The following TTC1 variants were observed in gnomAD, a reference collection of about 807,000 sequenced individuals.
TTC1 encodes the protein tetratricopeptide repeat protein 1.
A neutral mutation model predicts 37.6 loss-of-function variants in TTC1; 31 were observed. The ratio of observed to expected loss-of-function variants is 0.82; its 90% confidence interval spans 0.62 to 1.11. TTC1 has a LOEUF of 1.11. Ranked by LOEUF, TTC1 falls within the 50% of genes most tolerant of loss-of-function variation. TTC1 has a pLI of 0.00. For missense variants in TTC1, 351 were observed against 339.0 expected (o/e 1.04, Z -0.28); for synonymous variants, 127 against 122.4 (o/e 1.04, Z -0.25).
At chr5:160,013,640 G>A (rs1756541155) in intron 2 of TTC1, among the ~76,000 whole-genome samples, 1 of 151,854 alleles carries the variant, frequency 6.6e-6, no homozygotes, top group Non-Finnish European at 1.5e-5. Context: ...CTACTTGGGA[G>A]GCTGCGGCAG....
At chr5:160,041,116 C>T (rs373390638) in intron 4 of TTC1, among the ~76,000 whole-genome samples, 110 of 152,164 alleles carry the variant, frequency 7.2e-4, no homozygotes, top group African/African-American at 2.5e-3. Flanking sequence ...CTGTCATCTC[C>T]ATCTCCTATG....
intron 5 of TTC1, among the ~76,000 whole-genome samples, chr5:160,044,211 C>A (rs1031537717): frequency 7.9e-5 from 12 of 152,170 alleles, no homozygotes; most frequent in African/African-American, 2.9e-4. Context: ...GATCCCCTGT[C>A]ACGCTAAGCA....
intron 7 of TTC1, among the ~76,000 whole-genome samples, chr5:160,056,518 G>T (rs1029302611): frequency 6.6e-6 from 1 of 152,134 alleles, no homozygotes; most frequent in Non-Finnish European, 1.5e-5. Flanking sequence ...CAGTTGAAGA[G>T]TTCAAGACCA....
intron 2 of TTC1, among the ~76,000 whole-genome samples, chr5:160,033,738 C>A (rs988944546): frequency 6.6e-6 from 1 of 152,152 alleles, no homozygotes; most frequent in East Asian, 1.9e-4. Context: ...ATGGGGGAAC[C>A]GTCCCCATGA....
chr5:160,064,996 G>A lies in TTC1; in HGVS notation c.810G>A (p.Gln270=), dbSNP rs776425696. The change falls in exon 8 of 8, where the codon CAG becomes CAA. Residue 270 remains glutamine, a synonymous_variant. Coordinates refer to ENST00000231238, the MANE Select transcript of TTC1 (RefSeq NM_003314.3). ...TTGGGCTCTCCACGGAAAATTTCCA[G>A]ATCAAACAGGATTCCTCTACCGGCT... ...RPFGLSTENF[Q]IKQDSSTGSY... The A allele has an allele frequency of 1.2e-6, 2 of 1,614,094 alleles. No homozygotes were observed. The highest frequency in any genetic ancestry group is 1.7e-6 in the Non-Finnish European group (2 of 1,180,020).
chr5:160,035,027 C>A, intron 2 of TTC1, 113 bp from the exon 3 acceptor site: 1 of 848,204 alleles, frequency 1.2e-6, no homozygotes, highest in Non-Finnish European at 1.7e-6. Flanking sequence ...TGATGCAGTT[C>A]TCAAAAGTCA....
In TTC1 at chr5:160,010,670, G is replaced by A. The variant is rs754164804; in HGVS notation, c.142G>A (p.Asp48Asn). ...GCATTCCCAGAGTAAGCTGCTCAGGGATGATGAGGCCCATCTCCAGGAGGA... is the reference window on the plus strand; with the variant it reads ...GCATTCCCAGAGTAAGCTGCTCAGGAATGATGAGGCCCATCTCCAGGAGGA... ...NQHSQSKLLR[D>N]DEAHLQEDQG... Residue 48 changes from aspartate (D) to asparagine (N), a missense_variant, in exon 2 of 8, where the codon GAT becomes AAT. Coordinates refer to ENST00000231238, the MANE Select transcript of TTC1 (RefSeq NM_003314.3). 13 of 1,613,680 alleles carry A rather than the reference G, an allele frequency of 8.1e-6. No individual in the cohort carries two copies. The highest frequency in any genetic ancestry group is 1.1e-5 in the Non-Finnish European group (13 of 1,179,860).
intron 1 of TTC1, 85 bp downstream of exon 1, chr5:160,009,278 C>G (rs1240525533): frequency 6.6e-6 from 1 of 152,300 alleles, no homozygotes; most frequent in South Asian, 2.1e-4. Flanking sequence ...GGCATCACTT[C>G]CCTAACTGTA....
chr5:160,018,212 C>G (rs1756640481), intron 2 of TTC1, among the ~76,000 whole-genome samples: 1 of 152,196 alleles, frequency 6.6e-6, no homozygotes, highest in African/African-American at 2.4e-5. Context: ...AGAACAAGCC[C>G]CTTACCAGAC....
At chr5:160,029,848 T>C (rs573135953) in intron 2 of TTC1, among the ~76,000 whole-genome samples, 41 of 152,266 alleles carry the variant, frequency 2.7e-4, no homozygotes, top group African/African-American at 8.7e-4. Context: ...CTAGGGAGGC[T>C]TGAACTGGAA....
rs1053770505 is a variant in TTC1, at chr5:160,033,330, A to G, written c.331-1810A>G. 7.2e-5 allele frequency among the ~76,000 whole-genome samples: 11 copies of G among 152,286 alleles called. No individual in the cohort carries two copies. In the South Asian group the frequency reaches 2.3e-3, roughly 32 times the overall value. On this transcript the variant is annotated intron_variant, in intron 2 of 7. Transcript: ENST00000231238. ...TTTGTACCTGCTGTGTGTCTGGCAC[A>G]TAGTATGTACCATAAAAATTAGATT... is the stretch of plus-strand genomic sequence containing the variant.
intron 3 of TTC1, 38 bp downstream of exon 3, chr5:160,035,238 G>A: frequency 6.5e-7 from 1 of 1,534,870 alleles, no homozygotes; most frequent in Non-Finnish European, 8.8e-7. Flanking sequence ...TGGTCATCTT[G>A]ACTCCTCATC....
At chr5:160,019,067 T>C (rs1304631428) in intron 2 of TTC1, among the ~76,000 whole-genome samples, 1 of 152,212 alleles carries the variant, frequency 6.6e-6, no homozygotes, top group Non-Finnish European at 1.5e-5. Context: ...CAAACAAACA[T>C]TTTTTATTTG....
intron 7 of TTC1, among the ~76,000 whole-genome samples, chr5:160,052,571 A>T (rs1757432341): frequency 1.3e-5 from 2 of 148,896 alleles, no homozygotes; most frequent in Non-Finnish European, 3.0e-5. Context: ...AAAAAAAAAA[A>T]AAACTGTTTG....
At chr5:160,035,078 C>A in intron 2 of TTC1, 62 bp from the exon 3 acceptor site, 1 of 1,427,886 alleles carries the variant, frequency 7.0e-7, no homozygotes, top group Non-Finnish European at 9.4e-7. Context: ...AAGGAAAGCT[C>A]ACCTTTTTGT....
At chr5:160,054,504 A>T (rs984632793) in intron 7 of TTC1, among the ~76,000 whole-genome samples, 7 of 152,138 alleles carry the variant, frequency 4.6e-5, no homozygotes, top group Admixed American at 2.6e-4. Flanking sequence ...GGTCCCAGCT[A>T]CTTGGGAGGC....
Position 160,052,572 on chromosome 5 carries a change from A to C in TTC1, c.745+1389A>C, listed in dbSNP as rs866553699. Among the ~76,000 whole-genome samples the C allele has an allele frequency of 5.2e-3, 775 of 149,070 alleles. 15 individuals are homozygous for C. The highest frequency in any genetic ancestry group is 0.018 in the African/African-American group (741 of 40,390). ...GCAAAAAAAAAAAAAAAAAAAAAAA[A>C]AACTGTTTGCATTTAGTATTTGAAT... On this transcript the variant is annotated intron_variant, in intron 7 of 7. Coordinates refer to ENST00000231238, the MANE Select transcript of TTC1 (RefSeq NM_003314.3).
In TTC1 at chr5:160,049,488, A is replaced by G. The variant is rs114137822; in HGVS notation, c.542-26A>G. The G allele has an allele frequency of 8.2e-4, 1,271 of 1,544,512 alleles. 11 individuals are homozygous for G. In the African/African-American group the frequency reaches 0.016, roughly 20 times the overall value. ...TATGTAGGCCATTTTTCTTTGTGATAAAAATTATTTCTTCTCTTTTTACAG... is the reference window on the plus strand; with the variant it reads ...TATGTAGGCCATTTTTCTTTGTGATGAAAATTATTTCTTCTCTTTTTACAG... On this transcript the variant is annotated intron_variant, in intron 5 of 7. Transcript: ENST00000231238.
chr5:160,042,081 C>G (rs925924481), intron 4 of TTC1, among the ~76,000 whole-genome samples: 1 of 152,134 alleles, frequency 6.6e-6, no homozygotes, highest in Non-Finnish European at 1.5e-5. Context: ...AGGCACCCAC[C>G]ACCACACCCG....
Sources: allele counts gnomAD v4.1 joint callset (sites outside exome capture counted in the v4.1 genomes callset), GRCh38; gene constraint gnomAD v4.1.1; transcripts MANE v1.5; gene names NCBI Gene and HGNC (gene_info 2026-07-23, HGNC 2026-07-21).